Variants in ANKRA2 observed in about 807,000 individuals in gnomAD.
ANKRA2 encodes ankyrin repeat family A member 2, also known as ankyrin repeat family A protein 2.
A neutral mutation model predicts 37.8 loss-of-function variants in ANKRA2; 33 were observed. The ratio of observed to expected loss-of-function variants is 0.87; its 90% CI spans 0.66 to 1.17. ANKRA2 has a LOEUF of 1.17. Ranked by LOEUF, ANKRA2 falls within the 50% of genes most tolerant of loss-of-function variation. The probability of loss-of-function intolerance (pLI) is 0.00; values close to 1 mark genes in which losing one functional copy is unlikely to be tolerated. For missense variants in ANKRA2, 326 were observed against 373.7 expected (o/e 0.87, Z 1.05); for synonymous variants, 126 against 132.3 (o/e 0.95, Z 0.33).
intron 4 of ANKRA2, among the ~76,000 whole-genome samples, chr5:73,556,894 T>C (rs565514958): frequency 6.6e-6 from 1 of 151,590 alleles, no homozygotes; most frequent in Non-Finnish European, 1.5e-5. Context: ...TAATATCCTG[T>C]ATCAGTGAGG....
At position 73,552,424 on chromosome 5, in the gene ANKRA2, T is replaced by C. The variant is rs150236150; in HGVS notation, c.*373A>G. 116 of 156,932 alleles carry C rather than the reference T, an allele frequency of 7.4e-4. No homozygotes were observed. The East Asian group carries it at 0.019, about 26-fold the overall frequency. The allele number at this position is 156,932 out of a possible 1,614,324, so 9.7% of individuals were successfully genotyped here. A position where few individuals can be genotyped will look rare whatever the true frequency, so the allele number is the denominator to read the frequency against. ...TTATTCAACAATAAGAACAATTTTT[T>C]TCTAGGGATTTATAGCAAACCCTAT... On this transcript the variant is annotated 3_prime_UTR_variant, in exon 9 of 9. Transcript: ENST00000296785.
chr5:73,563,173 AC>A (rs753874285), intron 1 of ANKRA2, among the ~76,000 whole-genome samples, 188 bp from the exon 2 acceptor site: 7 of 152,204 alleles, frequency 4.6e-5, no homozygotes, highest in Non-Finnish European at 7.3e-5. Context: ...TAGCTGTGTG[AC>A]CTGTAGAAGT....
In ANKRA2 at chr5:73,562,870, T is replaced by G. The variant is rs1256994408; in HGVS notation, c.12A>C (p.Ser4=). The G allele has an allele frequency of 4.4e-6, 7 of 1,606,356 alleles. No homozygotes were observed. The South Asian group carries it at 6.7e-5, about 15-fold the overall frequency. MDT[S]TNLDIGAQLI... is the part of the protein sequence containing the mutation. ...GCTGGGCTCCAATATCCAGATTTGT[T>G]GATGTATCCATGATTTCAACTGTAG... The change falls in exon 2 of 9, where the codon TCA becomes TCC. Residue 4 remains serine, a synonymous_variant. Coordinates refer to ENST00000296785, the MANE Select transcript of ANKRA2 (RefSeq NM_023039.5).
At chr5:73,558,656 C>A (rs557261071) in intron 3 of ANKRA2, among the ~76,000 whole-genome samples, 1 of 152,088 alleles carries the variant, frequency 6.6e-6, no homozygotes, top group African/African-American at 2.4e-5. Context: ...TGCCTCAGTG[C>A]CCCAAATAGC....
intron 2 of ANKRA2, 56 bp from the exon 3 acceptor site, chr5:73,561,344 C>G: frequency 6.7e-7 from 1 of 1,491,846 alleles, no homozygotes; most frequent in South Asian, 1.2e-5. Context: ...AGTTCTATGT[C>G]AATGTCTACA....
chr5:73,555,089 T>C, intron 5 of ANKRA2, 103 bp from the exon 6 acceptor site: 1 of 1,501,268 alleles, frequency 6.7e-7, no homozygotes, highest in Non-Finnish European at 8.8e-7. Context: ...CCTGGTAATG[T>C]TCTGGGCTTA....
chr5:73,555,547 G>A lies in ANKRA2; in HGVS notation c.553C>T (p.Pro185Ser), dbSNP rs1300135263. The A allele has an allele frequency of 1.2e-6, 2 of 1,613,960 alleles. No homozygotes were observed. The highest frequency in any genetic ancestry group is 8.5e-7 in the Non-Finnish European group (1 of 1,179,968). The change falls in exon 5 of 9, where the codon CCT becomes TCT. Residue 185 changes from proline to serine, a missense_variant. By Grantham distance (74) the Pro-to-Ser change is moderately conservative. Coordinates refer to ENST00000296785, the MANE Select transcript of ANKRA2 (RefSeq NM_023039.5). ...INHTDEEGFT[P>S]LMWAAAHGQI... ...CCGTGTGCTGCAGCCCACATCAGAG[G>A]AGTAAATCCTTCTTCATCCGTGTGA...
At chr5:73,559,424 T>A (rs149320588) in intron 3 of ANKRA2, among the ~76,000 whole-genome samples, 2 of 152,136 alleles carry the variant, frequency 1.3e-5, no homozygotes, top group South Asian at 4.1e-4. Context: ...CTACAATGAT[T>A]CTACTTTAAA....
rs1747698724 is a variant in ANKRA2 at position 73,565,247 on chromosome 5, T to A, written c.-220A>T. On this transcript the variant is annotated 5_prime_UTR_variant, in exon 1 of 9. Coordinates refer to ENST00000296785, the MANE Select transcript of ANKRA2 (RefSeq NM_023039.5). ...CCACCGGCCAGCTGTGCCCGAAAAG[T>A]CCCAGGAAGAAACTCTCGCTCATCC... 6.6e-6 allele frequency: 1 copy of A among 152,190 alleles called. No homozygotes were observed. Among genetic ancestry groups the A allele is most frequent in the African/African-American group, 2.4e-5 (1 of 41,256 alleles). The allele number at this position is 152,190 out of a possible 1,614,324, so 9.4% of individuals were successfully genotyped here. A position where few individuals can be genotyped will look rare whatever the true frequency, so the allele number is the denominator to read the frequency against.
At position 73,552,587 on chromosome 5, in the gene ANKRA2, AT is replaced by A; in HGVS notation, c.*209del. 1 of 449,846 alleles carries A rather than the reference AT, an allele frequency of 2.2e-6. No homozygotes were observed. The highest frequency in any genetic ancestry group is 3.6e-5 in the South Asian group (1 of 27,472). The allele number at this position is 449,846 out of a possible 1,614,324, so 27.9% of individuals were successfully genotyped here. On this transcript the variant is annotated 3_prime_UTR_variant, in exon 9 of 9. Coordinates refer to ENST00000296785, the MANE Select transcript of ANKRA2 (RefSeq NM_023039.5). ...AAATTTACATGCCACGAAAACATTA[AT>A]TTATAATTTTAAATATACAGTAAAA...
intron 7 of ANKRA2, 133 bp downstream of exon 7, chr5:73,554,189 T>G: frequency 6.0e-6 from 5 of 829,868 alleles, no homozygotes. Context: ...GCAGGTGCTC[T>G]AAGGGTGAAG....
At position 73,554,407 on chromosome 5, in the gene ANKRA2, A is replaced by T. The variant is rs752597173; in HGVS notation, c.739-19T>A. 47 of 1,583,420 alleles carry T rather than the reference A, an allele frequency of 3.0e-5. No individual in the cohort carries two copies. The highest frequency in any genetic ancestry group is 2.7e-4 in the South Asian group (24 of 89,970). On this transcript the variant is annotated intron_variant, in intron 6 of 8. Transcript: ENST00000296785. The stretch of plus-strand genomic sequence containing the variant: ...CTCCATTCTGCAAAATGAAAAGGTG[A>T]TTCAGAGTTTTTCACGGTGAGCAAG...
intron 4 of ANKRA2, among the ~76,000 whole-genome samples, chr5:73,556,537 A>C (rs1015359366): frequency 6.6e-6 from 1 of 152,242 alleles, no homozygotes; most frequent in Non-Finnish European, 1.5e-5. Context: ...TTCTAGAATA[A>C]GGAATGAGTG....
intron 3 of ANKRA2, 70 bp downstream of exon 3, chr5:73,561,060 A>C: frequency 2.1e-6 from 3 of 1,411,562 alleles, no homozygotes; most frequent in Non-Finnish European, 1.9e-6. Context: ...TAATGAAATA[A>C]TGTTTTAAAG....
chr5:73,561,136 C>T lies in ANKRA2; in HGVS notation c.442G>A (p.Ala148Thr). 2.5e-6 allele frequency: 4 copies of T among 1,608,268 alleles called. No individual in the cohort carries two copies. The highest frequency in any genetic ancestry group is 3.4e-6 in the Non-Finnish European group (4 of 1,178,576). ...ATCAGTGGCAAATACTTACAATTTG[C>T]TAACAGAGGTGTGGTAGAGACCTCA... ...GNEVSTTPLL[A>T]NSLSVHQLAA... Residue 148 changes from alanine (A) to threonine (T), a missense_variant, in exon 3 of 9, where the codon GCA becomes ACA. Ala to Thr is a moderately conservative substitution (Grantham distance 58, BLOSUM62 0). This residue lies in a region of ANKRA2 where 228 missense variants were observed against 260.2 expected (regional missense o/e 0.88). Transcript: ENST00000296785.
rs1747286284 is a variant in ANKRA2, at chr5:73,552,758, G to T, written c.*39C>A. ...CAAAACTATCATTTATAAGGACCAA[G>T]AAGTAAACAAAAGGGCAGACATTTT... On this transcript the variant is annotated 3_prime_UTR_variant, in exon 9 of 9. Transcript: ENST00000296785. The T allele has an allele frequency of 1.3e-6, 2 of 1,545,192 alleles. No homozygotes were observed. Among genetic ancestry groups the T allele is most frequent in the East Asian group, 2.3e-5 (1 of 44,198 alleles).
intron 1 of ANKRA2, among the ~76,000 whole-genome samples, chr5:73,564,707 G>A (rs1318587575): frequency 1.3e-5 from 2 of 152,124 alleles, no homozygotes; most frequent in Non-Finnish European, 2.9e-5. Context: ...CAGCTTCCAT[G>A]TTACAAATCA....
intron 2 of ANKRA2, among the ~76,000 whole-genome samples, chr5:73,561,839 T>C (rs1349355814): frequency 4.6e-5 from 7 of 152,090 alleles, no homozygotes; most frequent in Admixed American, 3.3e-4. Flanking sequence ...GGTGATGTTA[T>C]CCTAAGAGAA....
rs1422441273 is a variant in ANKRA2, at chr5:73,561,295, G to C, written c.290-7C>G. Reference sequence around the variant, plus strand: ...GTATGGATATTGCATTCAGCTAAGTGAAAAACAAATGTAAACACATTAAAA... The same window carrying C: ...GTATGGATATTGCATTCAGCTAAGTCAAAAACAAATGTAAACACATTAAAA... On this transcript the variant is annotated splice_polypyrimidine_tract_variant and splice_region_variant and intron_variant, in intron 2 of 8. Transcript: ENST00000296785. The C allele has an allele frequency of 1.9e-6, 3 of 1,609,926 alleles. No individual in the cohort carries two copies. Among genetic ancestry groups the C allele is most frequent in the Non-Finnish European group, 2.5e-6 (3 of 1,177,494 alleles).
Sources: allele counts gnomAD v4.1 joint callset (sites outside exome capture counted in the v4.1 genomes callset), GRCh38; gene constraint gnomAD v4.1.1; regional missense constraint gnomAD v4.1.1; transcripts MANE v1.5; gene names NCBI Gene and HGNC (gene_info 2026-07-23, HGNC 2026-07-21).